Variants in GRIA2 observed in about 807,000 individuals in gnomAD.
GRIA2 encodes the protein glutamate receptor 2.
Under a neutral mutation model 97.3 loss-of-function variants are expected in GRIA2, and 14 were observed. The observed-to-expected ratio is 0.14, with a 90% CI of 0.10 to 0.23. The LOEUF is 0.23. Among genes scored for constraint, GRIA2 ranks in the 10% least tolerant of loss-of-function variants. The pLI, the probability that GRIA2 is intolerant of heterozygous loss-of-function variation, is 1.00. For missense variants in GRIA2, 558 were observed against 1,069.8 expected (o/e 0.52, Z 6.67); for synonymous variants, 412 against 387.8 (o/e 1.06, Z -0.73).
chr4:157,324,799 AGAGG>A (rs1236239426), intron 6 of GRIA2, among the ~76,000 whole-genome samples: 15 of 152,222 alleles, frequency 9.9e-5, no homozygotes. Flanking sequence ...CAGACAGAAG[AGAGG>A]AAGAAAAACT....
At chr4:157,239,830 A>G (rs968861787) in intron 2 of GRIA2, among the ~76,000 whole-genome samples, 2 of 152,022 alleles carry the variant, frequency 1.3e-5, no homozygotes, top group African/African-American at 4.8e-5. Context: ...CCATTTTTAT[A>G]TATTTTTCCT....
chr4:157,288,181 A>T (rs1256232824), intron 2 of GRIA2, among the ~76,000 whole-genome samples: 3 of 151,462 alleles, frequency 2.0e-5, no homozygotes, highest in Non-Finnish European at 3.0e-5. Context: ...ATAAACTTGA[A>T]TGTTGTTGAA....
chr4:157,285,017 G>T (rs918443507), intron 2 of GRIA2, among the ~76,000 whole-genome samples: 1 of 151,654 alleles, frequency 6.6e-6, no homozygotes, highest in African/African-American at 2.4e-5. Flanking sequence ...CTTCAAAATG[G>T]TTTGATGAAT....
chr4:157,225,759 C>G (rs1289792550), intron 2 of GRIA2, among the ~76,000 whole-genome samples: 1 of 151,370 alleles, frequency 6.6e-6, no homozygotes, highest in African/African-American at 2.4e-5. Flanking sequence ...TGAGGGTATT[C>G]CAGTAGTTCT....
intron 2 of GRIA2, among the ~76,000 whole-genome samples, chr4:157,269,534 T>C (rs1731924740): frequency 6.6e-6 from 1 of 152,070 alleles, no homozygotes; most frequent in Admixed American, 6.6e-5. Context: ...GATGAAGTAA[T>C]AGCAGAGTTC....
chr4:157,316,057 G>C (rs930186416), intron 4 of GRIA2, among the ~76,000 whole-genome samples: 1 of 152,132 alleles, frequency 6.6e-6, no homozygotes, highest in East Asian at 1.9e-4. Flanking sequence ...TTTCTCTCAA[G>C]TAAACTCAAG....
intron 2 of GRIA2, among the ~76,000 whole-genome samples, chr4:157,237,545 T>A (rs1730309629): frequency 6.6e-6 from 1 of 152,092 alleles, no homozygotes; most frequent in Non-Finnish European, 1.5e-5. Flanking sequence ...CTTCCAAAGT[T>A]CTGGGACTAT....
At chr4:157,330,207 G>A (rs1033866017) in intron 6 of GRIA2, among the ~76,000 whole-genome samples, 1 of 151,740 alleles carries the variant, frequency 6.6e-6, no homozygotes, top group African/African-American at 2.4e-5. Context: ...TAGTTCACTT[G>A]CCCAAGGCAA....
At chr4:157,287,432 A>T (rs906435828) in intron 2 of GRIA2, among the ~76,000 whole-genome samples, 67 of 151,438 alleles carry the variant, frequency 4.4e-4, no homozygotes, top group Non-Finnish European at 1.5e-4. Context: ...TTTTCTTTCT[A>T]AAAAAGTTTT....
At chr4:157,319,316 G>T (rs1246157505) in intron 5 of GRIA2, among the ~76,000 whole-genome samples, 1 of 152,108 alleles carries the variant, frequency 6.6e-6, no homozygotes, top group Non-Finnish European at 1.5e-5. Context: ...GATTATATTT[G>T]AACATTGAGA....
chr4:157,270,563 A>G (rs906079902), intron 2 of GRIA2, among the ~76,000 whole-genome samples: 2 of 152,094 alleles, frequency 1.3e-5, no homozygotes, highest in African/African-American at 4.8e-5. Flanking sequence ...TTTTCTGACC[A>G]CTATTCTAGA....
chr4:157,335,913 A>G (rs1362279280), intron 10 of GRIA2, 36 bp downstream of exon 10: 14 of 1,353,872 alleles, frequency 1.0e-5, no homozygotes, highest in Middle Eastern at 1.8e-4. Flanking sequence ...AAGTCATTCA[A>G]TTTGAATTGT....
At chr4:157,229,575 A>G (rs1729909965) in intron 2 of GRIA2, among the ~76,000 whole-genome samples, 1 of 152,214 alleles carries the variant, frequency 6.6e-6, no homozygotes, top group South Asian at 2.1e-4. Context: ...TCTCAAACAA[A>G]TGACATATGT....
chr4:157,275,139 T>C (rs1229744733), intron 2 of GRIA2, among the ~76,000 whole-genome samples: 1 of 152,164 alleles, frequency 6.6e-6, no homozygotes, highest in African/African-American at 2.4e-5. Flanking sequence ...CATTTTTTCA[T>C]GTGTTTTTTG....
intron 12 of GRIA2, chr4:157,342,156 G>A (rs987583367): frequency 1.0e-6 from 1 of 959,118 alleles, no homozygotes; most frequent in Admixed American, 6.2e-5. Flanking sequence ...AAATACAGCT[G>A]ATTAACTTAG....
At chr4:157,279,961 C>G (rs1181006716) in intron 2 of GRIA2, among the ~76,000 whole-genome samples, 1 of 151,998 alleles carries the variant, frequency 6.6e-6, no homozygotes, top group Non-Finnish European at 1.5e-5. Context: ...CCCGTCTCTA[C>G]TAAAAATACA....
At chr4:157,273,695 A>C (rs1422317982) in intron 2 of GRIA2, among the ~76,000 whole-genome samples, 1 of 152,076 alleles carries the variant, frequency 6.6e-6, no homozygotes, top group African/African-American at 2.4e-5. Flanking sequence ...CAGAGAGAAA[A>C]AAAGATTGGA....
At chr4:157,243,827 T>C (rs1230561338) in intron 2 of GRIA2, among the ~76,000 whole-genome samples, 1 of 151,906 alleles carries the variant, frequency 6.6e-6, no homozygotes, top group Admixed American at 6.6e-5. Flanking sequence ...TTTCTCTGCA[T>C]GAAAGATTGT....
chr4:157,358,915 C>T (rs28393928), intron 12 of GRIA2, among the ~76,000 whole-genome samples: 13,673 of 152,126 alleles, frequency 0.09, 2,008 homozygotes, highest in African/African-American at 0.31. Context: ...AAACCCCCCC[C>T]AAACCTCTTA....
Sources: gnomAD v4.1 joint callset for allele counts (sites outside exome capture counted in the v4.1 genomes callset) on GRCh38, gnomAD v4.1.1 for gene constraint, MANE v1.5 for transcripts, NCBI Gene and HGNC (gene_info 2026-07-23, HGNC 2026-07-21) for gene names.